PAQR8: variants seen among roughly 807,000 people sequenced by gnomAD.
PAQR8 encodes progestin and adipoQ receptor family member 8.
A neutral mutation model predicts 25.2 loss-of-function variants in PAQR8; 17 were observed. That is an observed-to-expected ratio of 0.67 (90% CI 0.46 to 1.01). The LOEUF (loss-of-function observed/expected upper bound fraction) is 1.01, where lower values mean the gene tolerates loss of function less well. PAQR8 is among the 50% of genes least tolerant of loss of function. PAQR8 has a pLI of 0.00. For synonymous variants in PAQR8, 204 were observed against 190.6 expected, an observed-to-expected ratio of 1.07 and a Z score of -0.58; for missense variants, 392 against 448.4, an observed-to-expected ratio of 0.87 and a Z score of 1.14.
At chr6:52,369,153 A>G (rs950844859) in intron 1 of PAQR8, among the ~76,000 whole-genome samples, 2 of 152,206 alleles carry the variant, frequency 1.3e-5, no homozygotes, top group African/African-American at 4.8e-5. Flanking sequence ...ATAAATGTTA[A>G]TATACAATGG....
At position 52,382,438 on chromosome 6, in the gene PAQR8, C is replaced by T. The variant is rs559972486; in HGVS notation, c.-53+20189C>T. ...GTCGGAGCAAATCACTAGAAACAACCTCCATGTCCATCCACAGGAGGATGA... is the reference window on the plus strand; with the variant it reads ...GTCGGAGCAAATCACTAGAAACAACTTCCATGTCCATCCACAGGAGGATGA... On this transcript the variant is annotated intron_variant, in intron 1 of 1. Transcript: ENST00000442253. Among the ~76,000 whole-genome samples the T allele has an allele frequency of 5.8e-4, 89 of 152,238 alleles. 1 individual carries two copies. The highest frequency in any genetic ancestry group is 2.0e-3 in the African/African-American group (85 of 41,532).
chr6:52,389,446 C>A (rs1208896932), intron 1 of PAQR8, among the ~76,000 whole-genome samples: 2 of 152,036 alleles, frequency 1.3e-5, no homozygotes, highest in Non-Finnish European at 2.9e-5. Flanking sequence ...TCTCTACACA[C>A]ACAGTAGTGA....
intron 1 of PAQR8, among the ~76,000 whole-genome samples, chr6:52,363,174 G>A (rs1424467289): frequency 1.3e-5 from 2 of 152,170 alleles, no homozygotes; most frequent in African/African-American, 4.8e-5. Flanking sequence ...CGGAGCCTGG[G>A]TTTGGGGGCT....
intron 1 of PAQR8, among the ~76,000 whole-genome samples, chr6:52,390,187 A>G (rs75871959): frequency 0.018 from 2,674 of 152,326 alleles, 84 homozygotes; most frequent in African/African-American, 0.061. Context: ...AAACACAGAT[A>G]CTATTTATTC....
chr6:52,384,244 C>T (rs763011254), intron 1 of PAQR8, among the ~76,000 whole-genome samples: 18 of 152,114 alleles, frequency 1.2e-4, no homozygotes, highest in Non-Finnish European at 2.1e-4. Flanking sequence ...TCTACACATA[C>T]GTAGTGAAGC....
intron 1 of PAQR8, among the ~76,000 whole-genome samples, chr6:52,372,527 CA>C: frequency 6.6e-6 from 1 of 152,102 alleles, no homozygotes; most frequent in African/African-American, 2.4e-5. Flanking sequence ...ACAATGCCCT[CA>C]AAACCTCTGA....
At chr6:52,398,197 CTTTTTTCTTT>C (rs1458253469) in intron 1 of PAQR8, among the ~76,000 whole-genome samples, 42 of 133,696 alleles carry the variant, frequency 3.1e-4, no homozygotes, top group East Asian at 2.6e-4. Flanking sequence ...TTTTTCTTTT[CTTTTTTCTTT>C]TTTTTTTTTT....
chr6:52,387,098 C>A (rs1432430928), intron 1 of PAQR8, among the ~76,000 whole-genome samples: 3 of 152,096 alleles, frequency 2.0e-5, no homozygotes, highest in Non-Finnish European at 4.4e-5. Context: ...TTCTCTGCAA[C>A]TGATTATTAA....
intron 1 of PAQR8, chr6:52,373,776 A>AT (rs1429224440): frequency 7.3e-5 from 11 of 151,354 alleles, no homozygotes; most frequent in Admixed American, 7.3e-4. Context: ...CACTTGGTCC[A>AT]TAACAGCATT....
At chr6:52,399,004 C>T (rs1763800786) in intron 1 of PAQR8, among the ~76,000 whole-genome samples, 2 of 152,110 alleles carry the variant, frequency 1.3e-5, no homozygotes, top group Admixed American at 1.3e-4. Context: ...TTACACACTC[C>T]AGGGGGTGGA....
intron 1 of PAQR8, among the ~76,000 whole-genome samples, chr6:52,396,135 G>C (rs1447240350): frequency 6.6e-6 from 1 of 152,192 alleles, no homozygotes; most frequent in East Asian, 1.9e-4. Flanking sequence ...GTGGCTAATG[G>C]GAAAGTAAGT....
chr6:52,373,687 A>G (rs1038674856), intron 1 of PAQR8: 1 of 150,976 alleles, frequency 6.6e-6, no homozygotes, highest in Non-Finnish European at 1.5e-5. Context: ...GGTGTCCAAG[A>G]TTGCCTTAGG....
chr6:52,399,350 T>C (rs1182846068), intron 1 of PAQR8, among the ~76,000 whole-genome samples: 2 of 152,216 alleles, frequency 1.3e-5, no homozygotes, highest in Non-Finnish European at 2.9e-5. Context: ...TGTTCCGTCC[T>C]TTCTCCCTCA....
intron 1 of PAQR8, among the ~76,000 whole-genome samples, chr6:52,387,955 G>T (rs961842996): frequency 6.6e-6 from 1 of 152,222 alleles, no homozygotes; most frequent in Admixed American, 6.5e-5. Context: ...AATGCCTGAT[G>T]ATCTGTTACT....
intron 1 of PAQR8, among the ~76,000 whole-genome samples, chr6:52,392,301 G>A (rs1398564059): frequency 1.3e-5 from 2 of 150,430 alleles, no homozygotes; most frequent in African/African-American, 2.5e-5. Flanking sequence ...GCAAGATCGC[G>A]CCACTGCATT....
At chr6:52,387,496 C>A (rs1022331318) in intron 1 of PAQR8, among the ~76,000 whole-genome samples, 1 of 152,146 alleles carries the variant, frequency 6.6e-6, no homozygotes, top group Non-Finnish European at 1.5e-5. Context: ...AAGCTAAAAT[C>A]TTTGAAAAAA....
At position 52,406,543 on chromosome 6, in the gene PAQR8, T is replaced by C. The variant is rs556490065; in HGVS notation, c.*2265T>C. On this transcript the variant is annotated 3_prime_UTR_variant, in exon 2 of 2. Coordinates refer to ENST00000442253, the MANE Select transcript of PAQR8 (RefSeq NM_133367.5). ...TTTAATTTATACAAGTATTGGCCCC[T>C]CAAGTGGTTGGAAATTTTTTTTTTA... 1.9e-4 allele frequency: 79 copies of C among 413,444 alleles called. 1 individual carries two copies. In the South Asian group the frequency reaches 9.4e-3, roughly 49 times the overall value. The allele number at this position is 413,444 out of a possible 1,614,324, so 25.6% of individuals were successfully genotyped here.
intron 1 of PAQR8, among the ~76,000 whole-genome samples, chr6:52,377,299 C>T (rs1407111962): frequency 2.6e-5 from 4 of 151,916 alleles, no homozygotes; most frequent in Admixed American, 6.6e-5. Context: ...TTTCAGTTTA[C>T]GGCATTATTG....
chr6:52,403,719 A>T lies in PAQR8; in HGVS notation c.506A>T (p.Gln169Leu). Residue 169 changes from glutamine (Q) to leucine (L), a missense_variant, in exon 2 of 2, where the codon CAG becomes CTG. Transcript: ENST00000442253. ...GCTCATTTCTTCTACAGCTCTGACC[A>T]GGCCTGGTATGACCGGTTCTGGCTT... ...ALAHFFYSSD[Q>L]AWYDRFWLFF... 3.7e-6 allele frequency: 6 copies of T among 1,614,270 alleles called. No homozygotes were observed. The highest frequency in any genetic ancestry group is 5.1e-6 in the Non-Finnish European group (6 of 1,180,048).
Sources: allele counts gnomAD v4.1 joint callset (sites outside exome capture counted in the v4.1 genomes callset), GRCh38; gene constraint gnomAD v4.1.1; transcripts MANE v1.5; gene names NCBI Gene and HGNC (gene_info 2026-07-23, HGNC 2026-07-21).